The following COL27A1 variants were observed in gnomAD, a reference collection of about 807,000 sequenced individuals.
The protein encoded by COL27A1 is collagen type XXVII alpha 1 chain.
In COL27A1, 106 loss-of-function variants were observed where a neutral mutation model predicts 251.3. That is an observed-to-expected ratio of 0.42 (90% CI 0.36 to 0.50). The LOEUF (loss-of-function observed/expected upper bound fraction) is 0.50. Ranked by LOEUF, COL27A1 falls within the 20% of genes least tolerant of loss-of-function variation. COL27A1 has a pLI of 0.00. For missense variants in COL27A1, 2,325 were observed against 2,522.8 expected (o/e 0.92, Z 1.68); for synonymous variants, 1,000 against 986.3 (o/e 1.01, Z -0.26).
chr9:114,277,027 G>A (rs191875360), intron 37 of COL27A1, among the ~76,000 whole-genome samples: 6 of 152,310 alleles, frequency 3.9e-5, no homozygotes, highest in Admixed American at 2.0e-4. Context: ...ATGACTCTAC[G>A]CATACTGCCC....
intron 1 of COL27A1, among the ~76,000 whole-genome samples, chr9:114,156,679 C>A (rs1291968626): frequency 6.6e-6 from 1 of 152,066 alleles, no homozygotes; most frequent in Non-Finnish European, 1.5e-5. Context: ...GATCACTGTG[C>A]GGAACCCCTC....
At chr9:114,249,786 T>A (rs926624303) in intron 24 of COL27A1, among the ~76,000 whole-genome samples, 5 of 152,152 alleles carry the variant, frequency 3.3e-5, no homozygotes, top group Non-Finnish European at 7.3e-5. Context: ...CTTTCCTAAT[T>A]CACCCAGAAC....
intron 23 of COL27A1, among the ~76,000 whole-genome samples, chr9:114,244,991 G>T (rs1833013425): frequency 6.6e-6 from 1 of 152,058 alleles, no homozygotes; most frequent in Non-Finnish European, 1.5e-5. Flanking sequence ...TAGCTGGGGA[G>T]GCTGAGCCCA....
At position 114,169,370 on chromosome 9, in the gene COL27A1, G is replaced by A. The variant is rs989121410; in HGVS notation, c.1815G>A (p.Thr605=). ...TCCTGTCCTCCAGCCCCCGGCCCACGAGCAGTGGCTATTCGATCTTCCACC... is the reference window on the plus strand; with the variant it reads ...TCCTGTCCTCCAGCCCCCGGCCCACAAGCAGTGGCTATTCGATCTTCCACC... The part of the protein sequence containing the change: ...AQFLSSSPRP[T]SSGYSIFHLA... The change falls in exon 3 of 61, where the codon ACG becomes ACA. Residue 605 remains threonine (T), a synonymous_variant. Transcript: ENST00000356083. 13 of 1,611,380 alleles carry A rather than the reference G, an allele frequency of 8.1e-6. No homozygotes were observed. Among genetic ancestry groups the A allele is most frequent in the East Asian group, 4.5e-5 (2 of 44,878 alleles).
intron 59 of COL27A1, 27 bp downstream of exon 59, chr9:114,307,805 C>A: frequency 1.3e-6 from 2 of 1,541,072 alleles, no homozygotes; most frequent in Non-Finnish European, 1.8e-6. Context: ...ACACTGCCCA[C>A]CAGGCTGTCT....
chr9:114,270,854 C>T lies in COL27A1; in HGVS notation c.3609+73C>T, dbSNP rs1835091442. The T allele has an allele frequency of 3.6e-6, 4 of 1,104,974 alleles. No homozygotes were observed. The African/African-American group carries it at 4.7e-5, about 13-fold the overall frequency. The allele number at this position is 1,104,974 out of a possible 1,614,324, so 68.4% of individuals were successfully genotyped here. A position where few individuals can be genotyped will look rare whatever the true frequency, so the allele number is the denominator to read the frequency against. On this transcript the variant is annotated intron_variant, in intron 36 of 60. Coordinates refer to ENST00000356083, the MANE Select transcript of COL27A1 (RefSeq NM_032888.4). ...CTTTCCCATCCAAGACCTAAGTCTC[C>T]TCCCAGAAACACTGTGTTCCCATAG...
At chr9:114,240,132 A>T in intron 19 of COL27A1, 88 bp from the exon 20 acceptor site, 1 of 1,207,372 alleles carries the variant, frequency 8.3e-7, no homozygotes, top group Non-Finnish European at 1.2e-6. Flanking sequence ...GATGAGATGG[A>T]AACCCGGTCA....
intron 7 of COL27A1, among the ~76,000 whole-genome samples, chr9:114,203,149 T>C (rs1472129630): frequency 1.3e-5 from 2 of 152,208 alleles, no homozygotes; most frequent in African/African-American, 4.8e-5. Context: ...TTGCTTTGTT[T>C]TTATACCTCC....
intron 10 of COL27A1, 97 bp downstream of exon 10, chr9:114,206,393 A>G: frequency 8.0e-7 from 1 of 1,251,716 alleles, no homozygotes; most frequent in Non-Finnish European, 1.2e-6. Context: ...CTATAAGGAG[A>G]GCCAAGGCCC....
At chr9:114,291,980 G>A in intron 48 of COL27A1, 123 bp from the exon 49 acceptor site, 1 of 849,946 alleles carries the variant, frequency 1.2e-6, no homozygotes, top group Admixed American at 2.1e-5. Context: ...TGTTGCCCCA[G>A]CATTCTGCAA....
At position 114,301,274 on chromosome 9, in the gene COL27A1, T is replaced by A. The variant is rs775716877; in HGVS notation, c.4756-10T>A. On this transcript the variant is annotated splice_polypyrimidine_tract_variant and intron_variant, in intron 52 of 60. Transcript: ENST00000356083. Reference sequence around the variant, plus strand: ...TGGGCCCTGTCTCACTGGGCCGTGGTTTGTTGCAGGGTCCGAAGGGTGACA... The same window carrying A: ...TGGGCCCTGTCTCACTGGGCCGTGGATTGTTGCAGGGTCCGAAGGGTGACA... The A allele has an allele frequency of 2.5e-6, 4 of 1,612,762 alleles. No homozygotes were observed. In the Admixed American group the frequency reaches 6.7e-5, roughly 27 times the overall value.
rs539199292 is a variant in COL27A1 at position 114,305,388 on chromosome 9, G to A, written c.4938+715G>A. Among the ~76,000 whole-genome samples, 75 of 152,312 alleles carry A rather than the reference G, an allele frequency of 4.9e-4. 1 individual carries two copies. Among genetic ancestry groups the A allele is most frequent in the African/African-American group, 1.8e-3 (74 of 41,564 alleles). On this transcript the variant is annotated intron_variant, in intron 57 of 60. Transcript: ENST00000356083. ...AAGAGAGGGGAACACTCAGGATCCA[G>A]TGCGGCTGGAGAAGGGAAGCGTTTC...
At position 114,163,557 on chromosome 9, in the gene COL27A1, G is replaced by A. The variant is rs998558353; in HGVS notation, c.133+772G>A. Reference sequence around the variant, plus strand: ...TGGGCTGGCTTCACATCTGCCCAGGGAAACTGAAACCTCTCCCACATCTGT... The same window carrying A: ...TGGGCTGGCTTCACATCTGCCCAGGAAAACTGAAACCTCTCCCACATCTGT... On this transcript the variant is annotated intron_variant, in intron 2 of 60. Coordinates refer to ENST00000356083, the MANE Select transcript of COL27A1 (RefSeq NM_032888.4). Among the ~76,000 whole-genome samples the A allele has an allele frequency of 1.7e-4, 26 of 152,326 alleles. No homozygotes were observed. The East Asian group carries it at 5.0e-3, about 30-fold the overall frequency.
chr9:114,174,090 G>C (rs2135120076), intron 3 of COL27A1, among the ~76,000 whole-genome samples: 1 of 152,050 alleles, frequency 6.6e-6, no homozygotes, highest in South Asian at 2.1e-4. Flanking sequence ...CAATTCTCCT[G>C]CCTCAGCCTC....
intron 25 of COL27A1, among the ~76,000 whole-genome samples, chr9:114,251,338 C>G (rs1333020766): frequency 6.6e-6 from 1 of 152,000 alleles, no homozygotes. Flanking sequence ...TCTGGCCCCG[C>G]CTAACTCTCC....
At chr9:114,178,986 T>C (rs4979347) in intron 4 of COL27A1, among the ~76,000 whole-genome samples, 110,435 of 152,092 alleles carry the variant, frequency 0.73, 40,500 homozygotes, top group East Asian at 0.96. Context: ...GAGTAGGAAA[T>C]GGCAAAACCA....
intron 4 of COL27A1, among the ~76,000 whole-genome samples, chr9:114,181,419 G>A (rs1827905348): frequency 6.6e-6 from 1 of 152,170 alleles, no homozygotes; most frequent in Admixed American, 6.5e-5. Context: ...GAAGAGGGAG[G>A]TGCCTTGGTT....
chr9:114,226,316 T>A (rs1831464184), intron 14 of COL27A1, among the ~76,000 whole-genome samples: 3 of 152,206 alleles, frequency 2.0e-5, no homozygotes, highest in Non-Finnish European at 4.4e-5. Flanking sequence ...CCACCTGGCA[T>A]GCACCAAACC....
Position 114,176,544 on chromosome 9 carries a change from G to T in COL27A1, c.1909-1747G>T, listed in dbSNP as rs557455485. On this transcript the variant is annotated intron_variant, in intron 3 of 60. Transcript: ENST00000356083. ...GCCACCCAGATAGTAGGTGGGTGGG[G>T]GGGGGTGCCCTATGTGAACCCAGGC... is the stretch of plus-strand genomic sequence containing the variant. Among the ~76,000 whole-genome samples, 13 of 151,902 alleles carry T rather than the reference G, an allele frequency of 8.6e-5. No individual in the cohort carries two copies. In the South Asian group the frequency reaches 2.1e-3, roughly 25 times the overall value.
Sources: gnomAD v4.1 joint callset for allele counts (sites outside exome capture counted in the v4.1 genomes callset) on GRCh38, gnomAD v4.1.1 for gene constraint, MANE v1.5 for transcripts, NCBI Gene and HGNC (gene_info 2026-07-23, HGNC 2026-07-21) for gene names.